Variants in CCSER1 observed in about 807,000 individuals in gnomAD.
CCSER1 encodes the protein serine-rich coiled-coil domain-containing protein 1.
CCSER1 carries 41 observed loss-of-function variants against 82.0 expected under a neutral mutation model. That is an observed-to-expected ratio of 0.50 (90% confidence interval 0.39 to 0.65). CCSER1 has a LOEUF of 0.65. Ranked by LOEUF, CCSER1 falls within the 30% of genes least tolerant of loss-of-function variation. The probability of loss-of-function intolerance (pLI) is 0.00; values close to 1 mark genes in which losing one functional copy is unlikely to be tolerated. For missense variants in CCSER1, 1,119 were observed against 1,064.2 expected (o/e 1.05, Z -0.72); for synonymous variants, 414 against 383.9 (o/e 1.08, Z -0.92).
chr4:91,292,093 C>T (rs191890897), intron 10 of CCSER1, among the ~76,000 whole-genome samples: 22 of 152,036 alleles, frequency 1.4e-4, no homozygotes, highest in Non-Finnish European at 2.6e-4. Context: ...TCTTGAAAGG[C>T]GAATAGAAGT....
intron 9 of CCSER1, among the ~76,000 whole-genome samples, chr4:91,005,104 C>T (rs993918912): frequency 2.0e-5 from 3 of 152,146 alleles, no homozygotes; most frequent in South Asian, 2.1e-4. Context: ...ACTCTGGCAT[C>T]ACCCTAGGAA....
intron 10 of CCSER1, among the ~76,000 whole-genome samples, chr4:91,292,028 C>T (rs1453426659): frequency 2.0e-5 from 3 of 151,956 alleles, no homozygotes; most frequent in Non-Finnish European, 4.4e-5. Flanking sequence ...TGTCCTCTTC[C>T]CCCTAAATTT....
chr4:91,481,057 C>T (rs1201904896), intron 10 of CCSER1, among the ~76,000 whole-genome samples: 1 of 131,574 alleles, frequency 7.6e-6, no homozygotes, highest in Admixed American at 7.7e-5. Context: ...CACCCCTGCC[C>T]TCCCTTCCCC....
chr4:90,630,427 C>A (rs1724160653), intron 6 of CCSER1, among the ~76,000 whole-genome samples: 1 of 152,144 alleles, frequency 6.6e-6, no homozygotes, highest in Non-Finnish European at 1.5e-5. Flanking sequence ...CAGTGATATT[C>A]ACTATAAAGT....
At chr4:91,557,855 T>A (rs1041646954) in intron 10 of CCSER1, among the ~76,000 whole-genome samples, 1 of 151,378 alleles carries the variant, frequency 6.6e-6, no homozygotes, top group Non-Finnish European at 1.5e-5. Flanking sequence ...TCTCCAAAGT[T>A]TTTAGATTTC....
chr4:91,079,014 A>T (rs895486295), intron 9 of CCSER1, among the ~76,000 whole-genome samples: 5 of 152,228 alleles, frequency 3.3e-5, no homozygotes, highest in Admixed American at 6.5e-5. Context: ...TCAGGATATC[A>T]TCCAGGAGAA....
intron 10 of CCSER1, among the ~76,000 whole-genome samples, chr4:91,246,026 C>T (rs924002128): frequency 6.6e-6 from 1 of 152,046 alleles, no homozygotes; most frequent in Non-Finnish European, 1.5e-5. Flanking sequence ...AAGAAGAAAT[C>T]ATCTGAAGGT....
intron 5 of CCSER1, among the ~76,000 whole-genome samples, chr4:90,471,325 C>T (rs923617395): frequency 3.3e-5 from 5 of 151,832 alleles, no homozygotes; most frequent in African/African-American, 7.3e-5. Flanking sequence ...CTCCCAGATA[C>T]TCACAAGGCT....
chr4:91,416,702 C>T (rs751062925), intron 10 of CCSER1, among the ~76,000 whole-genome samples: 5 of 152,046 alleles, frequency 3.3e-5, no homozygotes, highest in Admixed American at 6.6e-5. Flanking sequence ...CAAAAATTAA[C>T]TCAAAATGGA....
chr4:90,499,018 C>A (rs935467233), intron 5 of CCSER1, among the ~76,000 whole-genome samples: 1 of 151,848 alleles, frequency 6.6e-6, no homozygotes, highest in Non-Finnish European at 1.5e-5. Flanking sequence ...AATATTGAAG[C>A]CCTAATTAAT....
chr4:90,919,973 A>AG (rs1728133830), intron 8 of CCSER1, among the ~76,000 whole-genome samples: 1 of 151,980 alleles, frequency 6.6e-6, no homozygotes, highest in African/African-American at 2.4e-5. Flanking sequence ...AAAGACAATT[A>AG]GGTATTTTGT....
chr4:90,731,654 T>G (rs940996009), intron 7 of CCSER1, among the ~76,000 whole-genome samples: 1 of 152,294 alleles, frequency 6.6e-6, no homozygotes, highest in Admixed American at 6.5e-5. Flanking sequence ...AAAATCATTT[T>G]AAATAAACAT....
intron 1 of CCSER1, among the ~76,000 whole-genome samples, chr4:90,242,568 T>A (rs1478211921): frequency 1.3e-5 from 2 of 152,218 alleles, no homozygotes; most frequent in Non-Finnish European, 2.9e-5. Context: ...AACATGAACC[T>A]AGTGAACAAT....
At chr4:91,331,153 TAGA>T (rs1203086965) in intron 10 of CCSER1, among the ~76,000 whole-genome samples, 1 of 152,136 alleles carries the variant, frequency 6.6e-6, no homozygotes, top group African/African-American at 2.4e-5. Flanking sequence ...GAAAGTATCT[TAGA>T]AGGTATCCAG....
At chr4:90,989,707 T>A (rs1274314754) in intron 9 of CCSER1, among the ~76,000 whole-genome samples, 1 of 151,804 alleles carries the variant, frequency 6.6e-6, no homozygotes. Context: ...TTCTGAAATT[T>A]ATTTTTGATC....
At chr4:91,195,870 C>T (rs552215980) in intron 10 of CCSER1, among the ~76,000 whole-genome samples, 66 of 152,196 alleles carry the variant, frequency 4.3e-4, no homozygotes, top group African/African-American at 1.6e-3. Flanking sequence ...ACACCGTTCC[C>T]TTTCTTACAA....
chr4:91,210,118 A>C (rs1175330988), intron 10 of CCSER1, among the ~76,000 whole-genome samples: 1 of 151,808 alleles, frequency 6.6e-6, no homozygotes, highest in Non-Finnish European at 1.5e-5. Context: ...ATATCAGATG[A>C]CCTAAAAACC....
intron 10 of CCSER1, among the ~76,000 whole-genome samples, chr4:91,133,875 C>T (rs144904113): frequency 3.9e-5 from 6 of 152,168 alleles, no homozygotes; most frequent in Middle Eastern, 3.4e-3. Flanking sequence ...CCGAGGCAGG[C>T]GGATCATGAG....
chr4:91,521,807 A>G (rs1760487945), intron 10 of CCSER1, among the ~76,000 whole-genome samples: 1 of 152,120 alleles, frequency 6.6e-6, no homozygotes, highest in Non-Finnish European at 1.5e-5. Flanking sequence ...CAGATTGCAA[A>G]AATTTTCTCC....
Sources: gnomAD v4.1 joint callset for allele counts (sites outside exome capture counted in the v4.1 genomes callset) on GRCh38, gnomAD v4.1.1 for gene constraint, MANE v1.5 for transcripts, NCBI Gene and HGNC (gene_info 2026-07-23, HGNC 2026-07-21) for gene names.